The following CAMK2G variants were observed in gnomAD, a reference collection of about 807,000 sequenced individuals.
CAMK2G encodes the protein calcium/calmodulin-dependent protein kinase type II subunit gamma.
In CAMK2G, 23 loss-of-function variants were observed where a neutral mutation model predicts 88.7. The observed-to-expected ratio is 0.26, with a 90% CI of 0.19 to 0.37. CAMK2G has a LOEUF of 0.37. Ranked by LOEUF, CAMK2G falls within the 10% of genes least tolerant of loss-of-function variation. The pLI is 1.00. For missense variants in CAMK2G, 476 were observed against 780.8 expected, an observed-to-expected ratio of 0.61 and a Z score of 4.65; for synonymous variants, 263 against 294.8, an observed-to-expected ratio of 0.89 and a Z score of 1.11.
chr10:73,834,826 G>A (rs1590259772), intron 14 of CAMK2G, among the ~76,000 whole-genome samples: 1 of 152,154 alleles, frequency 6.6e-6, no homozygotes, highest in African/African-American at 2.4e-5. Context: ...GACACCAGTA[G>A]TATCTAGAAA....
In CAMK2G at chr10:73,839,755, C is replaced by T. The variant is rs150455012; in HGVS notation, c.947-154G>A. Among the ~76,000 whole-genome samples, 34 of 152,316 alleles carry T rather than the reference C, an allele frequency of 2.2e-4. No individual in the cohort carries two copies. Among genetic ancestry groups the T allele is most frequent in the African/African-American group, 7.9e-4 (33 of 41,566 alleles). On this transcript the variant is annotated intron_variant, in intron 12 of 22. Transcript: ENST00000423381. This position sits in a 1 kb window ranked among gnomAD's most constrained non-coding sequence, Gnocchi z 4.2. ...GCCAGGGGCAGGCTGAGGAGGTAGG[C>T]GCAGCCAGCCCTGCAGCAGTCTGGG...
At chr10:73,818,248 C>G (rs2133182775) in intron 19 of CAMK2G, 1 of 191,264 alleles carries the variant, frequency 5.2e-6, no homozygotes. Context: ...CACACCAGCT[C>G]TCATTGCCAG....
At chr10:73,862,986 T>C (rs938414873) in intron 2 of CAMK2G, among the ~76,000 whole-genome samples, 1 of 152,032 alleles carries the variant, frequency 6.6e-6, no homozygotes, top group South Asian at 2.1e-4. Context: ...TTGCCCAAGA[T>C]CCCACAGCAG....
At chr10:73,840,144 GC>G (rs982014405) in intron 12 of CAMK2G, among the ~76,000 whole-genome samples, 3 of 152,120 alleles carry the variant, frequency 2.0e-5, no homozygotes, top group Non-Finnish European at 4.4e-5. Flanking sequence ...CCAGCTCCAT[GC>G]CCCCCAACCC....
intron 3 of CAMK2G, among the ~76,000 whole-genome samples, chr10:73,857,018 G>A (rs1207843337): frequency 6.6e-6 from 1 of 152,208 alleles, no homozygotes; most frequent in Admixed American, 6.5e-5. Context: ...GTTGCCATGG[G>A]GGCTTGTGGG....
intron 3 of CAMK2G, among the ~76,000 whole-genome samples, chr10:73,860,554 C>G (rs1437914618): frequency 2.6e-5 from 4 of 152,034 alleles, no homozygotes; most frequent in South Asian, 2.1e-4. Context: ...GGACCTCAGC[C>G]CAAAGACAGA....
chr10:73,820,356 T>G (rs2087533345), intron 18 of CAMK2G, among the ~76,000 whole-genome samples: 1 of 151,428 alleles, frequency 6.6e-6, no homozygotes, highest in Non-Finnish European at 1.5e-5. Context: ...TGACCAAATG[T>G]GGCCTCACGG....
Position 73,842,612 on chromosome 10 carries a change from T to C in CAMK2G, c.820-71A>G. 3 of 1,095,974 alleles carry C rather than the reference T, an allele frequency of 2.7e-6. No individual in the cohort carries two copies. The highest frequency in any genetic ancestry group is 1.2e-5 in the South Asian group (1 of 80,056). 67.9% of individuals were successfully genotyped at this position (1,095,974 alleles called of 1,614,324 possible). On this transcript the variant is annotated intron_variant, in intron 10 of 22. Transcript: ENST00000423381. This position sits in a 1 kb window ranked among gnomAD's most constrained non-coding sequence, Gnocchi z 4.6. ...GCGCCTCCCACAGTCCTGGCACCGATACCATGCCCAGGACAGGGTCATGCA... is the reference window on the plus strand; with the variant it reads ...GCGCCTCCCACAGTCCTGGCACCGACACCATGCCCAGGACAGGGTCATGCA...
intron 5 of CAMK2G, among the ~76,000 whole-genome samples, chr10:73,850,692 T>C (rs765170122): frequency 1.6e-4 from 24 of 152,202 alleles, no homozygotes; most frequent in Non-Finnish European, 2.6e-4. Context: ...TCCCAGTGTA[T>C]GGGGCTGGGT....
At position 73,847,366 on chromosome 10, in the gene CAMK2G, G is replaced by C. The variant is rs1288165093; in HGVS notation, c.697-19C>G. 2.5e-6 allele frequency: 4 copies of C among 1,613,782 alleles called. No individual in the cohort carries two copies. Among genetic ancestry groups the C allele is most frequent in the Non-Finnish European group, 3.4e-6 (4 of 1,179,800 alleles). ...ATGGGAACTAAGGAGCAGGAATAGG[G>C]AGAAGAATGTGGTATTGGTGAGCTT... On this transcript the variant is annotated intron_variant, in intron 9 of 22. Coordinates refer to ENST00000423381, the MANE Select transcript of CAMK2G (RefSeq NM_001367534.1).
chr10:73,820,492 A>ATTT (rs1166533591), intron 18 of CAMK2G, among the ~76,000 whole-genome samples: 869 of 51,000 alleles, frequency 0.017, 21 homozygotes, highest in Non-Finnish European at 0.022. Context: ...ATATATATAT[A>ATTT]TTTTTTTTTT....
At chr10:73,849,507 A>C (rs2094477437) in intron 5 of CAMK2G, among the ~76,000 whole-genome samples, 174 bp from the exon 6 acceptor site, 1 of 152,212 alleles carries the variant, frequency 6.6e-6, no homozygotes, top group African/African-American at 2.4e-5. Context: ...ACCTATTTAA[A>C]GAAAGAGGAA....
chr10:73,847,514 C>T (rs991795295), intron 9 of CAMK2G, among the ~76,000 whole-genome samples, 167 bp from the exon 10 acceptor site: 2 of 152,180 alleles, frequency 1.3e-5, no homozygotes, highest in African/African-American at 4.8e-5. Flanking sequence ...CCTGTGTCAA[C>T]TTAAAGACTT....
intron 2 of CAMK2G, among the ~76,000 whole-genome samples, chr10:73,861,625 G>A (rs2095380557): frequency 6.6e-6 from 1 of 152,120 alleles, no homozygotes; most frequent in African/African-American, 2.4e-5. Flanking sequence ...CAAAATGCTG[G>A]GATTATAGGC....
intron 15 of CAMK2G, among the ~76,000 whole-genome samples, chr10:73,827,875 G>C (rs1312762579): frequency 2.6e-5 from 4 of 152,222 alleles, no homozygotes; most frequent in African/African-American, 9.6e-5. Flanking sequence ...ACAGCAGGGG[G>C]TGCCGTACCA....
chr10:73,824,320 G>C (rs1209116691), intron 16 of CAMK2G, among the ~76,000 whole-genome samples: 3 of 152,216 alleles, frequency 2.0e-5, no homozygotes, highest in Admixed American at 1.3e-4. Flanking sequence ...CCTGGCAGGT[G>C]CAGGTGCCCA....
At chr10:73,824,124 C>G (rs768186537) in intron 16 of CAMK2G, 40 bp from the exon 17 acceptor site, 2 of 1,535,618 alleles carry the variant, frequency 1.3e-6, no homozygotes, top group Admixed American at 3.3e-5. Context: ...GACTTGGGGA[C>G]AGACTATGGC....
chr10:73,817,689 G>A (rs2086152569), intron 19 of CAMK2G, 135 bp from the exon 20 acceptor site: 3 of 660,434 alleles, frequency 4.5e-6, no homozygotes, highest in Admixed American at 4.7e-5. Flanking sequence ...TAGGGCCCTT[G>A]GCAGGAAGAG....
chr10:73,856,683 A>G (rs2095062227), intron 3 of CAMK2G, among the ~76,000 whole-genome samples: 1 of 152,266 alleles, frequency 6.6e-6, no homozygotes, highest in Non-Finnish European at 1.5e-5. Context: ...ATGAAGGCCA[A>G]CAAGGGCCAG....
Sources: allele counts gnomAD v4.1 joint callset (sites outside exome capture counted in the v4.1 genomes callset), GRCh38; gene constraint gnomAD v4.1.1; non-coding constraint Gnocchi (gnomAD v3.1); transcripts MANE v1.5; gene names NCBI Gene and HGNC (gene_info 2026-07-23, HGNC 2026-07-21).